The following FAM186B variants were observed in gnomAD, a reference collection of about 807,000 sequenced individuals.
FAM186B encodes protein FAM186B.
Under a neutral mutation model 83.4 loss-of-function variants are expected in FAM186B, and 68 were observed. The observed-to-expected ratio is 0.81, with a 90% CI of 0.67 to 1.00. The LOEUF is 1.00. Among genes scored for constraint, FAM186B ranks in the 50% least tolerant of loss-of-function variants. The probability of loss-of-function intolerance (pLI) is 0.00; values close to 1 mark genes in which losing one functional copy is unlikely to be tolerated. For missense variants in FAM186B, 983 were observed against 1,099.2 expected (o/e 0.89, Z 1.49); for synonymous variants, 389 against 422.0 (o/e 0.92, Z 0.96).
chr12:49,603,415 G>A, intron 2 of FAM186B, 48 bp from the exon 3 acceptor site: 1 of 1,597,110 alleles, frequency 6.3e-7, no homozygotes, highest in Non-Finnish European at 8.6e-7. Flanking sequence ...TGTCCTCCAG[G>A]GGGACACAGA....
At position 49,600,152 on chromosome 12, in the gene FAM186B, C is replaced by T; in HGVS notation, c.1488G>A (p.Glu496=). The T allele has an allele frequency of 6.2e-7, 1 of 1,613,894 alleles. No homozygotes were observed. The highest frequency in any genetic ancestry group is 8.5e-7 in the Non-Finnish European group (1 of 1,179,842). ...REMRRQLWLE[E]EEMWQQRQKK... ...TCTGCCGCTGCTGCCACATCTCCTC[C>T]TCCTCCAGCCACAGCTGCCTCCGCA... The change falls in exon 4 of 7, where the codon GAG becomes GAA. Residue 496 remains glutamate (E), a synonymous_variant. Coordinates refer to ENST00000257894, the MANE Select transcript of FAM186B (RefSeq NM_032130.3). This position sits in a 1 kb window ranked among gnomAD's most constrained non-coding sequence, Gnocchi z 4.3.
chr12:49,598,329 C>T (rs144740548), intron 5 of FAM186B, among the ~76,000 whole-genome samples: 1 of 152,184 alleles, frequency 6.6e-6, no homozygotes, highest in African/African-American at 2.4e-5. Flanking sequence ...AAAGCAAGTC[C>T]CTGTGAGACA....
intron 5 of FAM186B, chr12:49,595,301 C>G: frequency 1.5e-6 from 1 of 672,582 alleles, no homozygotes; most frequent in Non-Finnish European, 2.7e-6. Flanking sequence ...CTTGAAGATG[C>G]AAAAAAAGAG....
the FAM186B span, chr12:49,619,386 A>G: frequency 2.3e-6 from 1 of 425,694 alleles, no homozygotes; most frequent in Non-Finnish European, 4.2e-6. Flanking sequence ...TAGGGATCCA[A>G]ACTTATTTGA....
chr12:49,594,986 G>A (rs1939680384), intron 5 of FAM186B, among the ~76,000 whole-genome samples: 1 of 152,148 alleles, frequency 6.6e-6, no homozygotes, highest in African/African-American at 2.4e-5. Context: ...CCAATAATAT[G>A]CTTTGCCAAA....
intron 3 of FAM186B, 108 bp from the exon 4 acceptor site, chr12:49,601,242 G>T: frequency 7.1e-7 from 1 of 1,417,202 alleles, no homozygotes; most frequent in Non-Finnish European, 9.3e-7. Flanking sequence ...TAGGGATTTG[G>T]CGAGAGTAGG....
chr12:49,617,920 C>T, the FAM186B span, among the ~76,000 whole-genome samples: 1 of 152,140 alleles, frequency 6.6e-6, no homozygotes, highest in Non-Finnish European at 1.5e-5. Flanking sequence ...CCTAAGGCAG[C>T]GGCAGAACTC....
intron 3 of FAM186B, 44 bp downstream of exon 3, chr12:49,603,141 C>T: frequency 1.2e-6 from 2 of 1,608,302 alleles, no homozygotes; most frequent in Non-Finnish European, 1.7e-6. Context: ...ATGGCTCCAC[C>T]CCGTCCCCAC....
chr12:49,619,582 G>T, the FAM186B span: 1 of 634,552 alleles, frequency 1.6e-6, no homozygotes, highest in Non-Finnish European at 3.0e-6. Flanking sequence ...ATCATTCCAT[G>T]TATCGGGAAT....
the FAM186B span, among the ~76,000 whole-genome samples, chr12:49,615,794 GAA>G: frequency 8.7e-6 from 1 of 114,606 alleles, no homozygotes. Flanking sequence ...GTCTCAAAAA[GAA>G]AAAAAAAAAA....
intron 5 of FAM186B, among the ~76,000 whole-genome samples, chr12:49,594,613 G>A (rs746093388): frequency 2.6e-5 from 4 of 152,172 alleles, no homozygotes; most frequent in East Asian, 1.9e-4. Flanking sequence ...GGTGGCTCAC[G>A]CCTGTAATCC....
intron 1 of FAM186B, 196 bp downstream of exon 1, chr12:49,605,186 G>T: frequency 7.1e-7 from 1 of 1,404,888 alleles, no homozygotes; most frequent in Non-Finnish European, 9.3e-7. Flanking sequence ...CAGGCGGGTG[G>T]TTGCTTTCAG....
downstream of FAM186B, among the ~76,000 whole-genome samples, chr12:49,586,020 C>T (rs1209253162): frequency 2.0e-5 from 3 of 152,130 alleles, no homozygotes; most frequent in Admixed American, 6.5e-5. Context: ...CAGCCTGACA[C>T]GCAGGGAGGT....
chr12:49,584,759 A>G, downstream of FAM186B: 1 of 614,758 alleles, frequency 1.6e-6, no homozygotes, highest in South Asian at 1.9e-5. Context: ...TGCTCAACAC[A>G]ACGTCCTCCC....
At position 49,600,855 on chromosome 12, in the gene FAM186B, C is replaced by T. The variant is rs1301042583; in HGVS notation, c.785G>A (p.Arg262Lys). The change falls in exon 4 of 7, where the codon AGG (arginine) becomes AAG (lysine). Residue 262 changes from arginine to lysine, a missense_variant. Physicochemically the swap from Arg to Lys is conservative, Grantham distance 26 (BLOSUM62 2). Coordinates refer to ENST00000257894, the MANE Select transcript of FAM186B (RefSeq NM_032130.3). The surrounding 1 kb of genome is among the most constrained non-coding windows in gnomAD (Gnocchi z 4.3). ...KENRSLETKY[R>K]HLQMQATKEL... ...TTTGGTCGCCTGCATTTGCAGGTGCCTGTATTTGGTCTCCAGGCTCCTGTT... is the reference window on the plus strand; with the variant it reads ...TTTGGTCGCCTGCATTTGCAGGTGCTTGTATTTGGTCTCCAGGCTCCTGTT... 1 of 1,613,052 alleles carries T rather than the reference C, an allele frequency of 6.2e-7. No individual in the cohort carries two copies.
chr12:49,612,367 G>GT, the FAM186B span, among the ~76,000 whole-genome samples: 39,491 of 134,008 alleles, frequency 0.29, 6,441 homozygotes, highest in African/African-American at 0.48. Flanking sequence ...ATCCAACAAA[G>GT]TTTTTTTTTT....
chr12:49,595,350 G>A (rs1939690908), intron 5 of FAM186B: 2 of 574,162 alleles, frequency 3.5e-6, no homozygotes, highest in African/African-American at 3.8e-5. Context: ...GAGGTAATCT[G>A]GGTGCACAGA....
chr12:49,614,545 A>G, the FAM186B span, among the ~76,000 whole-genome samples: 2 of 152,232 alleles, frequency 1.3e-5, no homozygotes, highest in Non-Finnish European at 2.9e-5. Context: ...TATGGCCAGA[A>G]AGATGGCAAC....
the FAM186B span, chr12:49,619,220 C>T: frequency 1.0e-5 from 2 of 196,606 alleles, no homozygotes; most frequent in Non-Finnish European, 2.0e-5. Context: ...ATGGTCTCCT[C>T]AAAAAAGCGG....
Sources: allele counts gnomAD v4.1 joint callset (sites outside exome capture counted in the v4.1 genomes callset), GRCh38; gene constraint gnomAD v4.1.1; non-coding constraint Gnocchi (gnomAD v3.1); transcripts MANE v1.5; gene names NCBI Gene and HGNC (gene_info 2026-07-23, HGNC 2026-07-21).